DOP1A: variants seen among roughly 807,000 people sequenced by gnomAD.
DOP1A encodes protein DOP1A.
In DOP1A, 90 loss-of-function variants were observed where a neutral mutation model predicts 267.6. The ratio of observed to expected loss-of-function variants is 0.34; its 90% CI spans 0.28 to 0.40. DOP1A has a LOEUF of 0.40. Ranked by LOEUF, DOP1A falls within the 10% of genes least tolerant of loss-of-function variation. The pLI, the probability that DOP1A is intolerant of heterozygous loss-of-function variation, is 1.00. For synonymous variants in DOP1A, 932 were observed against 999.1 expected, an observed-to-expected ratio of 0.93 and a Z score of 1.27; for missense variants, 2,437 against 2,900.4, an observed-to-expected ratio of 0.84 and a Z score of 3.67.
In DOP1A at chr6:83,100,750, A is replaced by G; in HGVS notation, c.184A>G (p.Thr62Ala). ...GTACCAAGTAGTACCCAAAAAGCTG[A>G]CCATAGGCAAACGCCTAGCTCAATG... ...AKYQVVPKKL[T>A]IGKRLAQCLH... Residue 62 changes from threonine (T) to alanine (A), a missense_variant, in exon 4 of 39, where the codon ACC becomes GCC. Coordinates refer to ENST00000349129, the MANE Select transcript of DOP1A (RefSeq NM_015018.4). The G allele has an allele frequency of 6.4e-7, 1 of 1,557,946 alleles. No homozygotes were observed.
chr6:83,099,925 A>G (rs1395371792), intron 3 of DOP1A, among the ~76,000 whole-genome samples: 1 of 152,052 alleles, frequency 6.6e-6, no homozygotes, highest in Non-Finnish European at 1.5e-5. Flanking sequence ...TCCAGTTCTA[A>G]CATAGTCTGT....
rs1785468233 is a variant in DOP1A at position 83,166,131 on chromosome 6, TCAAAA to T, written c.7093-1727_7093-1723del. 1.8e-5 allele frequency: 8 copies of T among 455,488 alleles called. No individual in the cohort carries two copies. The South Asian group carries it at 3.6e-4, about 20-fold the overall frequency. 28.2% of individuals were successfully genotyped at this position (455,488 alleles called of 1,614,324 possible). A position where few individuals can be genotyped will look rare whatever the true frequency, so the allele number is the denominator to read the frequency against. On this transcript the variant is annotated intron_variant, in intron 38 of 38. Transcript: ENST00000349129. Reference sequence around the variant, plus strand: ...TGCATAGAATAGAGAAAATGACACTTCAAAACAACGAATTTTTTTATTTTTCACTC... The same window carrying T: ...TGCATAGAATAGAGAAAATGACACTTCAACGAATTTTTTTATTTTTCACTC...
At chr6:83,108,502 G>A (rs1027597326) in intron 4 of DOP1A, among the ~76,000 whole-genome samples, 8 of 152,184 alleles carry the variant, frequency 5.3e-5, no homozygotes, top group African/African-American at 1.9e-4. Context: ...GATTTTTAAA[G>A]CTACTCATGA....
At chr6:83,072,688 A>G (rs1785818765) in intron 1 of DOP1A, among the ~76,000 whole-genome samples, 1 of 152,252 alleles carries the variant, frequency 6.6e-6, no homozygotes, top group African/African-American at 2.4e-5. Context: ...ACAGGTAAAT[A>G]GCCCTACATT....
At position 83,085,823 on chromosome 6, in the gene DOP1A, GTTATGTTATGTTA is replaced by G. The variant is rs1769106855; in HGVS notation, c.-146-10905_-146-10893del. ...GTTATGTTATGTTATGTTATGTTAT[GTTATGTTATGTTA>G]TTTTGAGACAGAGTCTCGCTCTATC... On this transcript the variant is annotated intron_variant, in intron 1 of 38. Coordinates refer to ENST00000349129, the MANE Select transcript of DOP1A (RefSeq NM_015018.4). Among the ~76,000 whole-genome samples the G allele has an allele frequency of 2.0e-5, 3 of 148,698 alleles. No homozygotes were observed. In the South Asian group the frequency reaches 6.5e-4, roughly 32 times the overall value.
chr6:83,118,776 A>C, intron 7 of DOP1A, 112 bp from the exon 8 acceptor site: 1 of 710,188 alleles, frequency 1.4e-6, no homozygotes, highest in Non-Finnish European at 2.2e-6. Context: ...AATCCATGAA[A>C]GTACTCCATA....
intron 1 of DOP1A, among the ~76,000 whole-genome samples, chr6:83,074,965 G>A (rs1306804352): frequency 6.6e-6 from 1 of 152,194 alleles, no homozygotes; most frequent in Non-Finnish European, 1.5e-5. Context: ...TCTGTATGAT[G>A]AAAAGACTCC....
chr6:83,116,064 T>G (rs533294024), intron 7 of DOP1A, among the ~76,000 whole-genome samples: 1 of 152,230 alleles, frequency 6.6e-6, no homozygotes, highest in African/African-American at 2.4e-5. Context: ...TGATTTGTTC[T>G]TTTGGTTAAA....
chr6:83,123,787 A>G (rs1776710048), intron 12 of DOP1A, among the ~76,000 whole-genome samples: 1 of 152,158 alleles, frequency 6.6e-6, no homozygotes, highest in African/African-American at 2.4e-5. Flanking sequence ...AAAAATTACA[A>G]ATGTCTTAAT....
At chr6:83,110,978 C>T (rs887700156) in intron 6 of DOP1A, among the ~76,000 whole-genome samples, 4 of 152,138 alleles carry the variant, frequency 2.6e-5, no homozygotes, top group African/African-American at 9.7e-5. Context: ...AGAATATTTA[C>T]ATCACCCTAA....
intron 15 of DOP1A, among the ~76,000 whole-genome samples, 175 bp from the exon 16 acceptor site, chr6:83,128,712 A>G (rs558692451): frequency 6.5e-4 from 99 of 152,290 alleles, no homozygotes; most frequent in African/African-American, 2.2e-3. Context: ...CTGTGTGTGT[A>G]GTGCATAGTA....
intron 38 of DOP1A, chr6:83,165,713 T>C (rs997804337): frequency 4.4e-6 from 1 of 227,818 alleles, no homozygotes; most frequent in Non-Finnish European, 9.3e-6. Context: ...CAGGTGAATA[T>C]GGCAGATGAG....
intron 38 of DOP1A, chr6:83,165,075 G>T: frequency 5.6e-6 from 1 of 179,482 alleles, no homozygotes; most frequent in Non-Finnish European, 1.2e-5. Context: ...CTATATAGAG[G>T]GTACAAGGAT....
chr6:83,129,840 C>T (rs1777750625), intron 16 of DOP1A, among the ~76,000 whole-genome samples: 1 of 152,092 alleles, frequency 6.6e-6, no homozygotes, highest in South Asian at 2.1e-4. Context: ...TATATACACA[C>T]AAAGTGCAGT....
At chr6:83,124,855 C>T (rs757231439) in intron 13 of DOP1A, 36 bp downstream of exon 13, 4 of 1,488,582 alleles carry the variant, frequency 2.7e-6, no homozygotes, top group Non-Finnish European at 2.8e-6. Flanking sequence ...TCAAGGAAAT[C>T]GAATAACGTA....
At chr6:83,096,864 G>C in intron 2 of DOP1A, 41 bp downstream of exon 2, 1 of 1,248,324 alleles carries the variant, frequency 8.0e-7, no homozygotes, top group Non-Finnish European at 1.1e-6. Context: ...TTTGTAGTAA[G>C]ATCATATGAA....
chr6:83,139,226 T>C (rs1294568206), intron 21 of DOP1A, 64 bp downstream of exon 21: 3 of 1,261,070 alleles, frequency 2.4e-6, no homozygotes, highest in Non-Finnish European at 2.2e-6. Flanking sequence ...GCTTAATGTC[T>C]GGAAAGTTGG....
intron 24 of DOP1A, among the ~76,000 whole-genome samples, chr6:83,144,187 C>A (rs1780098350): frequency 6.6e-6 from 1 of 152,034 alleles, no homozygotes; most frequent in South Asian, 2.1e-4. Context: ...GAGGAATAAA[C>A]CAAGAATGAA....
intron 4 of DOP1A, among the ~76,000 whole-genome samples, chr6:83,106,998 A>C (rs1371271702): frequency 6.6e-6 from 1 of 152,164 alleles, no homozygotes; most frequent in Non-Finnish European, 1.5e-5. Flanking sequence ...CAAAATGAGA[A>C]CAGTTTCAGT....
Sources: allele counts gnomAD v4.1 joint callset (sites outside exome capture counted in the v4.1 genomes callset), GRCh38; gene constraint gnomAD v4.1.1; transcripts MANE v1.5; gene names NCBI Gene and HGNC (gene_info 2026-07-23, HGNC 2026-07-21).